The following IGF2R variants were observed in gnomAD, a reference collection of about 807,000 sequenced individuals.
IGF2R encodes cation-independent mannose-6-phosphate receptor.
IGF2R carries 91 observed loss-of-function variants against 270.6 expected under a neutral mutation model. The ratio of observed to expected loss-of-function variants is 0.34; its 90% confidence interval spans 0.28 to 0.40. The LOEUF is 0.40. Among genes scored for constraint, IGF2R ranks in the 10% least tolerant of loss-of-function variants. IGF2R has a pLI of 1.00. For missense variants in IGF2R, 2,805 were observed against 3,188.3 expected (o/e 0.88, Z 2.90); for synonymous variants, 1,316 against 1,258.9 (o/e 1.05, Z -0.96).
chr6:160,068,065 G>GGTGT (rs879058804), intron 29 of IGF2R, among the ~76,000 whole-genome samples, 184 bp from the exon 30 acceptor site: 13 of 77,468 alleles, frequency 1.7e-4, no homozygotes, highest in Middle Eastern at 0.013. Context: ...TCTGATGGGG[G>GGTGT]GTGTGTGTGT....
Position 160,063,612 on chromosome 6 carries a change from G to A in IGF2R, c.3868G>A (p.Gly1290Arg). The change falls in exon 27 of 48, where the codon GGA (glycine) becomes AGA (arginine). Residue 1290 changes from glycine to arginine, a missense_variant. Around this residue, in one of 2 missense-constraint regions of IGF2R, gnomAD observed 1,851 missense variants for 2,207.2 expected, o/e 0.84. Coordinates refer to ENST00000356956, the MANE Select transcript of IGF2R (RefSeq NM_000876.4). ...ATGTCAGGAAAAGCGGGAACCGCAGGGATTTCACAAAGTGGCAGGTACCAT... is the reference window on the plus strand; with the variant it reads ...ATGTCAGGAAAAGCGGGAACCGCAGAGATTTCACAAAGTGGCAGGTACCAT... ...SSCQEKREPQ[G>R]FHKVAGLLTQ... 6.2e-7 allele frequency: 1 copy of A among 1,614,056 alleles called. No individual in the cohort carries two copies. The highest frequency in any genetic ancestry group is 8.5e-7 in the Non-Finnish European group (1 of 1,179,896).
intron 4 of IGF2R, among the ~76,000 whole-genome samples, chr6:160,015,465 G>A (rs564564133): frequency 6.6e-6 from 1 of 152,122 alleles, no homozygotes; most frequent in Non-Finnish European, 1.5e-5. Context: ...GAAGTTGGGT[G>A]CCCCTACTTC....
intron 44 of IGF2R, among the ~76,000 whole-genome samples, chr6:160,090,764 C>T (rs998505129): frequency 6.6e-4 from 100 of 152,358 alleles, no homozygotes; most frequent in African/African-American, 2.3e-3. Context: ...CCCCAGCCTG[C>T]TCTGATGTCA....
rs749471307 is a variant in IGF2R, at chr6:160,027,330, C to T, written c.776+16C>T. ...GCAAGGACAGGTCAGTCAAGGCCTCCGATGCTGTTGGCGTTTTTAATCTCC... is the reference window on the plus strand; with the variant it reads ...GCAAGGACAGGTCAGTCAAGGCCTCTGATGCTGTTGGCGTTTTTAATCTCC... On this transcript the variant is annotated intron_variant, in intron 6 of 47. Coordinates refer to ENST00000356956, the MANE Select transcript of IGF2R (RefSeq NM_000876.4). 4.9e-5 allele frequency: 79 copies of T among 1,599,462 alleles called. No homozygotes were observed. The highest frequency in any genetic ancestry group is 2.5e-4 in the East Asian group (11 of 44,624).
At position 160,032,870 on chromosome 6, in the gene IGF2R, A is replaced by G. The variant is rs544941226; in HGVS notation, c.1046-72A>G. On this transcript the variant is annotated intron_variant, in intron 8 of 47. Coordinates refer to ENST00000356956, the MANE Select transcript of IGF2R (RefSeq NM_000876.4). Reference sequence around the variant, plus strand: ...TCAGAAATAGGATTCAGGTTTGACTAAGTAAGACTGTAATCTTCTAATACC... The same window carrying G: ...TCAGAAATAGGATTCAGGTTTGACTGAGTAAGACTGTAATCTTCTAATACC... 4.2e-5 allele frequency: 60 copies of G among 1,413,282 alleles called. No homozygotes were observed. In the East Asian group the frequency reaches 1.2e-3, roughly 29 times the overall value. 87.5% of individuals were successfully genotyped at this position (1,413,282 alleles called of 1,614,324 possible). A position where few individuals can be genotyped will look rare whatever the true frequency, so the allele number is the denominator to read the frequency against.
At chr6:160,032,268 G>A (rs150513737) in intron 7 of IGF2R, among the ~76,000 whole-genome samples, 1 of 152,260 alleles carries the variant, frequency 6.6e-6, no homozygotes, top group Non-Finnish European at 1.5e-5. Flanking sequence ...TCTCTCTGAA[G>A]GTGACTAGAC....
chr6:160,069,039 G>C (rs1778654840), intron 30 of IGF2R, among the ~76,000 whole-genome samples: 1 of 152,146 alleles, frequency 6.6e-6, no homozygotes, highest in South Asian at 2.1e-4. Context: ...TTAGCAGGTA[G>C]AAGATGGGGG....
At position 159,975,678 on chromosome 6, in the gene IGF2R, A is replaced by G. The variant is rs112815801; in HGVS notation, c.149+6283A>G. On this transcript the variant is annotated intron_variant, in intron 1 of 47. Coordinates refer to ENST00000356956, the MANE Select transcript of IGF2R (RefSeq NM_000876.4). ...AAAAAAAAACCCATACATGTATTAT[A>G]TATATTTATATATATATATATATAA... 2.0e-3 allele frequency among the ~76,000 whole-genome samples: 255 copies of G among 130,068 alleles called. 2 individuals are homozygous for G. Among genetic ancestry groups the G allele is most frequent in the African/African-American group, 7.4e-3 (248 of 33,650 alleles). The allele number at this position is 130,068 out of a possible 152,430, so 85.3% of individuals were successfully genotyped here.
intron 39 of IGF2R, among the ~76,000 whole-genome samples, chr6:160,083,731 T>A (rs2115287122): frequency 6.6e-6 from 1 of 152,364 alleles, no homozygotes; most frequent in South Asian, 2.1e-4. Context: ...CCTAGATCCC[T>A]TAAACCTTAA....
chr6:159,973,210 A>T (rs1783638970), intron 1 of IGF2R, among the ~76,000 whole-genome samples: 2 of 152,104 alleles, frequency 1.3e-5, no homozygotes, highest in Non-Finnish European at 2.9e-5. Context: ...GTCTAAAGTG[A>T]TCTCAGCTTG....
At chr6:160,069,259 G>A (rs574748160) in intron 30 of IGF2R, among the ~76,000 whole-genome samples, 3 of 152,242 alleles carry the variant, frequency 2.0e-5, no homozygotes, top group African/African-American at 7.2e-5. Context: ...CCATGTTCGT[G>A]GAGTTTCATA....
intron 44 of IGF2R, chr6:160,095,114 A>C (rs1779321895): frequency 6.6e-6 from 1 of 152,104 alleles, no homozygotes; most frequent in Non-Finnish European, 1.5e-5. Context: ...CTGGCCTCTG[A>C]TTCTCAACTT....
Position 160,111,332 on chromosome 6 carries a change from A to AATT in IGF2R, c.*6248_*6249insATT, listed in dbSNP as rs1383563969. On this transcript the variant is annotated 3_prime_UTR_variant, in exon 48 of 48. Transcript: ENST00000356956. Reference sequence around the variant, plus strand: ...CTTGGCACAGCAAGACCAACCCCCCACTTCCTCCTCCTCCTCCTCAGCCTA... The same window carrying AATT: ...CTTGGCACAGCAAGACCAACCCCCCAATTCTTCCTCCTCCTCCTCCTCAGCCTA... 1 of 151,550 alleles carries AATT rather than the reference A, an allele frequency of 6.6e-6. No individual in the cohort carries two copies. The highest frequency in any genetic ancestry group is 2.4e-5 in the African/African-American group (1 of 41,076). The allele number at this position is 151,550 out of a possible 1,614,324, so 9.4% of individuals were successfully genotyped here. A position where few individuals can be genotyped will look rare whatever the true frequency, so the allele number is the denominator to read the frequency against.
At chr6:160,037,504 A>C (rs1025277304) in intron 10 of IGF2R, among the ~76,000 whole-genome samples, 38 of 152,344 alleles carry the variant, frequency 2.5e-4, no homozygotes, top group Admixed American at 2.0e-3. Context: ...ATGTAATAGA[A>C]GTGTGGTTTA....
chr6:160,071,008 T>G (rs1778712481), intron 31 of IGF2R, among the ~76,000 whole-genome samples: 2 of 151,250 alleles, frequency 1.3e-5, no homozygotes, highest in Admixed American at 1.3e-4. Context: ...GGGGCAAAGG[T>G]GAGAGGGTGT....
rs776150730 is a variant in IGF2R, at chr6:160,085,028, A to G, written c.6102A>G (p.Lys2034=). 6.2e-7 allele frequency: 1 copy of G among 1,614,116 alleles called. No homozygotes were observed. Among genetic ancestry groups the G allele is most frequent in the Admixed American group, 1.7e-5 (1 of 60,022 alleles). The change falls in exon 41 of 48, where the codon AAA becomes AAG. Residue 2034 remains lysine (K), a synonymous_variant. Coordinates refer to ENST00000356956, the MANE Select transcript of IGF2R (RefSeq NM_000876.4). Reference sequence around the variant, plus strand: ...TAAATCTGTGCCAGAAAATATATAAAGGGCCCCTGGGCTGCTCTGAAAGGG... The same window carrying G: ...TAAATCTGTGCCAGAAAATATATAAGGGGCCCCTGGGCTGCTCTGAAAGGG... The part of the protein sequence containing the change: ...YYINLCQKIY[K]GPLGCSERAS...
Position 160,050,615 on chromosome 6 carries a change from C to A in IGF2R, c.2657C>A (p.Thr886Asn), listed in dbSNP as rs745385220. 6.2e-7 allele frequency: 1 copy of A among 1,612,652 alleles called. No homozygotes were observed. Among genetic ancestry groups the A allele is most frequent in the South Asian group, 1.1e-5 (1 of 91,028 alleles). The change falls in exon 19 of 48, where the codon ACC (threonine) becomes AAC (asparagine). Residue 886 changes from threonine to asparagine, a missense_variant. By Grantham distance (65) the Thr-to-Asn change is moderately conservative. Transcript: ENST00000356956. This position sits in a 1 kb window ranked among gnomAD's most constrained non-coding sequence, Gnocchi z 4.0. Reference sequence around the variant, plus strand: ...AGCGATGGCAGACAGACCACATATACCACGAGGATCCATCTCGTCTGCTCC... The same window carrying A: ...AGCGATGGCAGACAGACCACATATAACACGAGGATCCATCTCGTCTGCTCC... ...TTSDGRQTTY[T>N]TRIHLVCSRG...
chr6:160,060,495 G>A, intron 22 of IGF2R, 52 bp from the exon 23 acceptor site: 2 of 1,578,006 alleles, frequency 1.3e-6, no homozygotes, highest in Admixed American at 3.4e-5. Context: ...CTTGTGGGCT[G>A]CGCCATGAAT....
intron 43 of IGF2R, among the ~76,000 whole-genome samples, chr6:160,089,522 G>A (rs979857938): frequency 5.9e-5 from 9 of 152,202 alleles, no homozygotes; most frequent in Admixed American, 2.6e-4. Flanking sequence ...GGTTGAAGCC[G>A]AAGCCTTCTG....
Sources: gnomAD v4.1 joint callset for allele counts (sites outside exome capture counted in the v4.1 genomes callset) on GRCh38, gnomAD v4.1.1 for gene constraint, gnomAD v4.1.1 regional missense constraint, Gnocchi (gnomAD v3.1) non-coding constraint, MANE v1.5 for transcripts, NCBI Gene and HGNC (gene_info 2026-07-23, HGNC 2026-07-21) for gene names.